SSBP2: variants seen among roughly 807,000 people sequenced by gnomAD.
The protein encoded by SSBP2 is single stranded DNA binding protein 2, also known as single-stranded DNA-binding protein 2.
Under a neutral mutation model 61.8 loss-of-function variants are expected in SSBP2, and 17 were observed. The observed-to-expected ratio is 0.28, with a 90% CI of 0.19 to 0.41. The LOEUF (loss-of-function observed/expected upper bound fraction) is 0.41. Ranked by LOEUF, SSBP2 falls within the 10% of genes least tolerant of loss-of-function variation. The pLI is 1.00. For synonymous variants in SSBP2, 139 were observed against 141.3 expected (o/e 0.98, Z 0.12); for missense variants, 310 against 458.7 (o/e 0.68, Z 2.96).
At chr5:81,420,573 T>G (rs201710495) in intron 16 of SSBP2, 40 bp from the exon 17 acceptor site, 1 of 1,554,130 alleles carries the variant, frequency 6.4e-7, no homozygotes, top group East Asian at 2.2e-5. Context: ...CAACAATTCT[T>G]TTAGAGATCA....
intron 4 of SSBP2, among the ~76,000 whole-genome samples, chr5:81,607,588 G>T (rs968338157): frequency 5.9e-5 from 9 of 152,252 alleles, no homozygotes; most frequent in African/African-American, 1.9e-4. Flanking sequence ...TATGTTGAGA[G>T]ATTTCCCTAC....
intron 1 of SSBP2, among the ~76,000 whole-genome samples, chr5:81,658,578 A>AT (rs1472292855): frequency 6.7e-6 from 1 of 150,258 alleles, no homozygotes; most frequent in Non-Finnish European, 1.5e-5. Context: ...TGTTGATTTT[A>AT]TTTTTTTCCA....
intron 1 of SSBP2, among the ~76,000 whole-genome samples, chr5:81,694,312 A>G (rs1378825637): frequency 2.0e-5 from 3 of 152,324 alleles, no homozygotes. Context: ...TAAAACAACT[A>G]AAAAAGTAGA....
At chr5:81,609,479 CCAAA>C (rs1194257808) in intron 4 of SSBP2, among the ~76,000 whole-genome samples, 2 of 152,256 alleles carry the variant, frequency 1.3e-5, no homozygotes, top group Admixed American at 6.5e-5. Context: ...GTATACCTTT[CCAAA>C]CAGATTATGA....
At chr5:81,509,910 G>A (rs1768466848) in intron 5 of SSBP2, among the ~76,000 whole-genome samples, 1 of 152,056 alleles carries the variant, frequency 6.6e-6, no homozygotes. Context: ...ACTATGAACT[G>A]TTTATTCCTT....
At chr5:81,695,006 A>T (rs78631176) in intron 1 of SSBP2, among the ~76,000 whole-genome samples, 4,621 of 152,276 alleles carry the variant, frequency 0.03, 180 homozygotes, top group African/African-American at 0.1. Context: ...CCTCTAAAAG[A>T]AACAAAGAAA....
intron 2 of SSBP2, among the ~76,000 whole-genome samples, chr5:81,641,715 A>G (rs1748803132): frequency 6.6e-6 from 1 of 152,178 alleles, no homozygotes; most frequent in South Asian, 2.1e-4. Context: ...GTATTGTTAG[A>G]AAAAAATGAA....
At chr5:81,420,993 A>T (rs1761572182) in intron 16 of SSBP2, among the ~76,000 whole-genome samples, 2 of 152,098 alleles carry the variant, frequency 1.3e-5, no homozygotes, top group South Asian at 2.1e-4. Flanking sequence ...CTTGGGGAAG[A>T]TGAGATATAA....
chr5:81,456,378 G>T (rs1359245863), intron 10 of SSBP2, among the ~76,000 whole-genome samples: 1 of 149,506 alleles, frequency 6.7e-6, no homozygotes, highest in Non-Finnish European at 1.5e-5. Flanking sequence ...TGTGGCTTGG[G>T]TGGGACTCAG....
Position 81,729,530 on chromosome 5 carries a change from G to A in SSBP2, c.62+21451C>T, listed in dbSNP as rs191592679. Among the ~76,000 whole-genome samples, 11 of 152,228 alleles carry A rather than the reference G, an allele frequency of 7.2e-5. No individual in the cohort carries two copies. In the East Asian group the frequency reaches 1.3e-3, roughly 19 times the overall value. On this transcript the variant is annotated intron_variant, in intron 1 of 16. Coordinates refer to ENST00000320672, the MANE Select transcript of SSBP2 (RefSeq NM_012446.5). ...TAAATGAATGAATGTCAATTAAACA[G>A]CAGAAAGGCCTGACATGAACCAATG... is the stretch of plus-strand genomic sequence containing the variant.
intron 16 of SSBP2, among the ~76,000 whole-genome samples, chr5:81,427,272 C>A (rs1762012948): frequency 6.6e-6 from 1 of 152,162 alleles, no homozygotes; most frequent in African/African-American, 2.4e-5. Flanking sequence ...AGCATTATGA[C>A]TTAAATTATG....
chr5:81,563,642 GA>G (rs544375977), intron 4 of SSBP2, among the ~76,000 whole-genome samples: 66 of 152,212 alleles, frequency 4.3e-4, no homozygotes, highest in Admixed American at 1.5e-3. Flanking sequence ...AAGGTGCCAA[GA>G]ATATACAATA....
chr5:81,450,278 T>A (rs1763682728), intron 10 of SSBP2, among the ~76,000 whole-genome samples: 1 of 152,162 alleles, frequency 6.6e-6, no homozygotes, highest in African/African-American at 2.4e-5. Flanking sequence ...TGTCTTGACC[T>A]CCCAAAGTGT....
Position 81,540,832 on chromosome 5 carries a change from C to G in SSBP2, c.283-27115G>C, listed in dbSNP as rs140060940. 2.0e-5 allele frequency among the ~76,000 whole-genome samples: 3 copies of G among 151,448 alleles called. No homozygotes were observed. In the East Asian group the frequency reaches 5.8e-4, roughly 29 times the overall value. ...CTCCGATTTGCACCTGTAAATCACTCAAAAAGCATGACATGAAATGTAACT... is the reference window on the plus strand; with the variant it reads ...CTCCGATTTGCACCTGTAAATCACTGAAAAAGCATGACATGAAATGTAACT... On this transcript the variant is annotated intron_variant, in intron 4 of 16. Transcript: ENST00000320672.
chr5:81,491,746 C>T (rs1313442975), intron 5 of SSBP2, among the ~76,000 whole-genome samples: 1 of 152,046 alleles, frequency 6.6e-6, no homozygotes, highest in Non-Finnish European at 1.5e-5. Context: ...CACTTATAAA[C>T]TCTAATCTTC....
chr5:81,543,131 A>C (rs1771433832), intron 4 of SSBP2, among the ~76,000 whole-genome samples: 1 of 152,178 alleles, frequency 6.6e-6, no homozygotes, highest in South Asian at 2.1e-4. Flanking sequence ...CTGGGATTAC[A>C]GGCGTGAGCC....
intron 6 of SSBP2, among the ~76,000 whole-genome samples, chr5:81,476,039 A>AT (rs982293232): frequency 3.4e-4 from 51 of 152,102 alleles, no homozygotes; most frequent in African/African-American, 1.1e-3. Context: ...AACTGTTAAT[A>AT]TTTTTTACTG....
intron 4 of SSBP2, among the ~76,000 whole-genome samples, chr5:81,540,424 C>T (rs1561518713): frequency 6.6e-6 from 1 of 152,132 alleles, no homozygotes; most frequent in Non-Finnish European, 1.5e-5. Flanking sequence ...GACTTTTTAG[C>T]AATCGCCATT....
chr5:81,639,956 T>C (rs1227078453), intron 2 of SSBP2, among the ~76,000 whole-genome samples: 1 of 152,080 alleles, frequency 6.6e-6, no homozygotes, highest in Non-Finnish European at 1.5e-5. Context: ...CTGAAATTGG[T>C]TGCATTTTCA....
Sources: allele counts gnomAD v4.1 joint callset (sites outside exome capture counted in the v4.1 genomes callset), GRCh38; gene constraint gnomAD v4.1.1; transcripts MANE v1.5; gene names NCBI Gene and HGNC (gene_info 2026-07-23, HGNC 2026-07-21).